INPP5F: variants seen among roughly 807,000 people sequenced by gnomAD.
INPP5F encodes the protein inositol polyphosphate-5-phosphatase F, also known as phosphatidylinositide 4-phosphatase SAC2.
In INPP5F, 97 loss-of-function variants were observed where a neutral mutation model predicts 137.2. The observed-to-expected ratio is 0.71, with a 90% CI of 0.60 to 0.84. The LOEUF is 0.84. Ranked by LOEUF, INPP5F falls within the 40% of genes least tolerant of loss-of-function variation. The probability of loss-of-function intolerance (pLI) is 0.00; values close to 1 mark genes in which losing one functional copy is unlikely to be tolerated. For synonymous variants in INPP5F, 504 were observed against 476.9 expected (o/e 1.06, Z -0.74); for missense variants, 1,271 against 1,371.9 (o/e 0.93, Z 1.16).
chr10:119,764,412 A>G (rs1849094598), intron 2 of INPP5F, among the ~76,000 whole-genome samples: 1 of 152,134 alleles, frequency 6.6e-6, no homozygotes, highest in African/African-American at 2.4e-5. Flanking sequence ...GTGTGGGTTC[A>G]TGTATAGTGT....
chr10:119,827,760 A>C lies in INPP5F; in HGVS notation c.3379A>C (p.Thr1127Pro). ...ELKKMFIQCQTRIIQI is the reference protein window; with the variant it reads ...ELKKMFIQCQPRIIQI ...TAAAAAGATGTTTATACAATGCCAG[A>C]CACGGATAATTCAGATTTAGCTTTT... The change falls in exon 20 of 20, where the codon ACA (threonine) becomes CCA (proline). Residue 1127 changes from threonine to proline, a missense_variant. By Grantham distance (38) the Thr-to-Pro change is conservative (BLOSUM62 -1). This residue lies in a region of INPP5F where 490 missense variants were observed against 443.7 expected (regional missense o/e 1.10). Coordinates refer to ENST00000650623, the MANE Select transcript of INPP5F (RefSeq NM_014937.4). 1 of 1,606,836 alleles carries C rather than the reference A, an allele frequency of 6.2e-7. No individual in the cohort carries two copies. Among genetic ancestry groups the C allele is most frequent in the Non-Finnish European group, 8.5e-7 (1 of 1,176,690 alleles).
intron 9 of INPP5F, among the ~76,000 whole-genome samples, chr10:119,800,365 T>C (rs1324092027): frequency 2.0e-5 from 3 of 147,244 alleles, no homozygotes; most frequent in Non-Finnish European, 4.5e-5. Context: ...ACCACCCTGG[T>C]CAGCATGGTG....
chr10:119,825,061 A>G (rs1430526132), intron 19 of INPP5F, among the ~76,000 whole-genome samples: 1 of 152,198 alleles, frequency 6.6e-6, no homozygotes, highest in Non-Finnish European at 1.5e-5. Context: ...CAGTTTTGTT[A>G]TCTGTAAGAT....
intron 1 of INPP5F, among the ~76,000 whole-genome samples, chr10:119,747,250 A>C (rs768394725): frequency 2.6e-5 from 4 of 151,276 alleles, no homozygotes; most frequent in Non-Finnish European, 5.9e-5. Flanking sequence ...TTGAGACAGA[A>C]TCTTGCTCTG....
At chr10:119,730,000 T>C (rs528124014) in intron 1 of INPP5F, among the ~76,000 whole-genome samples, 1 of 152,296 alleles carries the variant, frequency 6.6e-6, no homozygotes, top group East Asian at 1.9e-4. Flanking sequence ...CTGGTGTTTC[T>C]AATTTTTTTA....
At chr10:119,732,035 G>A (rs1429641344) in intron 1 of INPP5F, among the ~76,000 whole-genome samples, 2 of 109,346 alleles carry the variant, frequency 1.8e-5, no homozygotes, top group Non-Finnish European at 3.4e-5. Flanking sequence ...GAAGACAAGT[G>A]GTTTTTTTTT....
Position 119,787,592 on chromosome 10 carries a change from G to GGAAGGAAGGAAAGGATA in INPP5F, c.316-3910_316-3894dup, listed in dbSNP as rs1439129593. Among the ~76,000 whole-genome samples, 1 of 149,654 alleles carries GGAAGGAAGGAAAGGATA rather than the reference G, an allele frequency of 6.7e-6. No homozygotes were observed. Among genetic ancestry groups the GGAAGGAAGGAAAGGATA allele is most frequent in the Non-Finnish European group, 1.5e-5 (1 of 67,444 alleles). On this transcript the variant is annotated intron_variant, in intron 3 of 19. Transcript: ENST00000650623. The surrounding 1 kb of genome is among the most constrained non-coding windows in gnomAD (Gnocchi z 4.1). The stretch of plus-strand genomic sequence containing the variant: ...GACTCTGTCTCAAAGAAGGAAAGAA[G>GGAAGGAAGGAAAGGATA]GAAGGAAGGAAAGGATAGAAGGAAG...
intron 14 of INPP5F, among the ~76,000 whole-genome samples, chr10:119,811,368 C>T (rs766709962): frequency 5.3e-5 from 8 of 152,272 alleles, no homozygotes; most frequent in East Asian, 3.9e-4. Flanking sequence ...AAGGCTGCGC[C>T]GCATGCCCCA....
At position 119,726,367 on chromosome 10, in the gene INPP5F, T is replaced by G; in HGVS notation, c.97+8T>G. Reference sequence around the variant, plus strand: ...GCCTCCAGCTCCGACCCGGTGAGGCTGGCGGTGCGGGCGGGGGGCACCCCG... The same window carrying G: ...GCCTCCAGCTCCGACCCGGTGAGGCGGGCGGTGCGGGCGGGGGGCACCCCG... On this transcript the variant is annotated splice_region_variant and intron_variant, in intron 1 of 19. Coordinates refer to ENST00000650623, the MANE Select transcript of INPP5F (RefSeq NM_014937.4). The G allele has an allele frequency of 2.3e-6, 3 of 1,325,516 alleles. No homozygotes were observed. Among genetic ancestry groups the G allele is most frequent in the East Asian group, 3.5e-5 (1 of 28,910 alleles). 82.1% of individuals were successfully genotyped at this position (1,325,516 alleles called of 1,614,324 possible). A position where few individuals can be genotyped will look rare whatever the true frequency, so the allele number is the denominator to read the frequency against.
chr10:119,733,176 A>G (rs1363602834), intron 1 of INPP5F, among the ~76,000 whole-genome samples: 3 of 152,236 alleles, frequency 2.0e-5, no homozygotes, highest in Admixed American at 1.3e-4. Context: ...TAGCCTCTCA[A>G]ATGTCAAAGC....
At chr10:119,815,648 G>C (rs1851241516) in intron 15 of INPP5F, 1 of 304,850 alleles carries the variant, frequency 3.3e-6, no homozygotes, top group East Asian at 8.5e-5. Context: ...GTCTAAGGCA[G>C]AGATGGGCAG....
chr10:119,808,457 C>T (rs966389837), intron 13 of INPP5F, among the ~76,000 whole-genome samples: 8 of 152,218 alleles, frequency 5.3e-5, no homozygotes, highest in Admixed American at 4.6e-4. Flanking sequence ...AACCCTGCTT[C>T]TTAACTAGCT....
At chr10:119,743,716 AT>A (rs1341323476) in intron 1 of INPP5F, among the ~76,000 whole-genome samples, 4 of 151,690 alleles carry the variant, frequency 2.6e-5, no homozygotes, top group Admixed American at 2.0e-4. Context: ...TTTCCAAGGA[AT>A]TTGGACTTTA....
intron 15 of INPP5F, chr10:119,814,669 C>T (rs1851192476): frequency 6.6e-6 from 1 of 152,322 alleles, no homozygotes; most frequent in Non-Finnish European, 1.5e-5. Flanking sequence ...ATGGGGCTAC[C>T]CCTAAAGATG....
intron 16 of INPP5F, among the ~76,000 whole-genome samples, chr10:119,821,300 T>C (rs2134293740): frequency 6.6e-6 from 1 of 152,202 alleles, no homozygotes; most frequent in South Asian, 2.1e-4. Context: ...TACAATTTTT[T>C]GTTACTACCA....
chr10:119,764,855 G>C (rs1849110242), intron 2 of INPP5F, among the ~76,000 whole-genome samples: 1 of 152,072 alleles, frequency 6.6e-6, no homozygotes, highest in African/African-American at 2.4e-5. Flanking sequence ...TGTGATTACA[G>C]GTGTGAGCCA....
At chr10:119,815,033 T>G (rs930730112) in intron 15 of INPP5F, among the ~76,000 whole-genome samples, 2 of 151,982 alleles carry the variant, frequency 1.3e-5, no homozygotes, top group African/African-American at 2.4e-5. Flanking sequence ...GCCCGGCTAA[T>G]TTTTTGTATT....
chr10:119,776,792 C>T (rs1302838318), intron 2 of INPP5F, among the ~76,000 whole-genome samples: 5 of 151,902 alleles, frequency 3.3e-5, no homozygotes, highest in African/African-American at 1.2e-4. Context: ...GCTCTGTCAT[C>T]CAGGCTGGAG....
At chr10:119,756,056 T>C (rs2134132748) in intron 2 of INPP5F, among the ~76,000 whole-genome samples, 1 of 152,138 alleles carries the variant, frequency 6.6e-6, no homozygotes, top group African/African-American at 2.4e-5. Flanking sequence ...CTCGGGAGGC[T>C]GAGGCAGGAG....
Sources: allele counts gnomAD v4.1 joint callset (sites outside exome capture counted in the v4.1 genomes callset), GRCh38; gene constraint gnomAD v4.1.1; regional missense constraint gnomAD v4.1.1; non-coding constraint Gnocchi (gnomAD v3.1); transcripts MANE v1.5; gene names NCBI Gene and HGNC (gene_info 2026-07-23, HGNC 2026-07-21).